IL1RAPL2: variants seen among roughly 807,000 people sequenced by gnomAD.
IL1RAPL2 encodes X-linked interleukin-1 receptor accessory protein-like 2.
IL1RAPL2 carries 3 observed loss-of-function variants against 44.1 expected under a neutral mutation model. That is an observed-to-expected ratio of 0.07 (90% CI 0.03 to 0.18). The LOEUF (loss-of-function observed/expected upper bound fraction) is 0.18, where lower values mean the gene tolerates loss of function less well. Ranked by LOEUF, IL1RAPL2 falls within the 10% of genes least tolerant of loss-of-function variation. The probability of loss-of-function intolerance (pLI) is 1.00; values close to 1 mark genes in which losing one functional copy is unlikely to be tolerated. For missense variants in IL1RAPL2, 391 were observed against 496.4 expected (o/e 0.79, Z 2.02); for synonymous variants, 181 against 178.8 (o/e 1.01, Z -0.10).
intron 2 of IL1RAPL2, among the ~76,000 whole-genome samples, chrX:104,931,996 A>T (rs5963002): frequency 0.44 from 37,320 of 84,667 alleles, 6,270 homozygotes; most frequent in South Asian, 0.67. Flanking sequence ...ATATATATAT[A>T]TTTTTTTTTT....
At chrX:105,130,281 C>T (rs975793931) in intron 2 of IL1RAPL2, among the ~76,000 whole-genome samples, 2 of 111,268 alleles carry the variant, frequency 1.8e-5, no homozygotes, top group Non-Finnish European at 3.8e-5. Context: ...TTTCAGACCT[C>T]ACTCAAGAGA....
At chrX:105,627,587 A>G (rs902607145) in intron 6 of IL1RAPL2, among the ~76,000 whole-genome samples, 2 of 111,746 alleles carry the variant, frequency 1.8e-5, no homozygotes, top group African/African-American at 3.3e-5. Context: ...TACCTCATCT[A>G]CTTCATCCTG....
At chrX:105,244,711 C>T (rs2034204625) in intron 4 of IL1RAPL2, among the ~76,000 whole-genome samples, 1 of 112,028 alleles carries the variant, frequency 8.9e-6, no homozygotes, top group Non-Finnish European at 1.9e-5. Context: ...GATCCCACTT[C>T]TGGTGCCATC....
intron 5 of IL1RAPL2, among the ~76,000 whole-genome samples, chrX:105,323,647 G>T (rs2034913023): frequency 1.8e-5 from 2 of 111,652 alleles, no homozygotes; most frequent in Admixed American, 1.9e-4. Context: ...AGGCCAAGGG[G>T]TAGATCACCT....
chrX:104,912,158 C>A (rs200121497), intron 2 of IL1RAPL2, among the ~76,000 whole-genome samples: 2 of 103,042 alleles, frequency 1.9e-5, no homozygotes, highest in Non-Finnish European at 4.0e-5. Context: ...TCTTTTTTTC[C>A]TTTGTTTTGT....
At chrX:105,191,681 A>C in intron 2 of IL1RAPL2, among the ~76,000 whole-genome samples, 1 of 112,493 alleles carries the variant, frequency 8.9e-6, no homozygotes. Flanking sequence ...GAGAAAGGAT[A>C]ATATAGGAAT....
chrX:105,519,396 T>C (rs974512203), intron 6 of IL1RAPL2, among the ~76,000 whole-genome samples: 3 of 111,239 alleles, frequency 2.7e-5, no homozygotes, highest in African/African-American at 9.8e-5. Context: ...GGGGGGATGG[T>C]AAGAATATAA....
At chrX:105,332,845 G>A (rs181397313) in intron 5 of IL1RAPL2, among the ~76,000 whole-genome samples, 17 of 111,243 alleles carry the variant, frequency 1.5e-4, no homozygotes, top group African/African-American at 5.2e-4. Context: ...ACTGCAAAAC[G>A]CTGATGAAAG....
At chrX:105,030,961 C>G in intron 2 of IL1RAPL2, among the ~76,000 whole-genome samples, 1 of 111,007 alleles carries the variant, frequency 9.0e-6, no homozygotes, top group Middle Eastern at 4.6e-3. Context: ...TCCTTCACAT[C>G]CCTTGTAAGT....
intron 6 of IL1RAPL2, among the ~76,000 whole-genome samples, chrX:105,516,483 G>A (rs770745673): frequency 7.1e-5 from 8 of 111,939 alleles, no homozygotes; most frequent in Non-Finnish European, 1.3e-4. Flanking sequence ...ACACGTGGAT[G>A]CAATGAACTA....
At chrX:105,415,105 G>A (rs1385557110) in intron 5 of IL1RAPL2, among the ~76,000 whole-genome samples, 1 of 111,569 alleles carries the variant, frequency 9.0e-6, no homozygotes, top group Non-Finnish European at 1.9e-5. Flanking sequence ...AAACATTTGG[G>A]AATAAGTAAC....
At chrX:104,614,023 G>A (rs959000866) in intron 1 of IL1RAPL2, among the ~76,000 whole-genome samples, 5 of 110,023 alleles carry the variant, frequency 4.5e-5, no homozygotes, top group Admixed American at 1.9e-4. Flanking sequence ...ATATTTTTAT[G>A]GGTTGGTTGT....
chrX:105,318,130 G>A (rs774259705), intron 5 of IL1RAPL2, among the ~76,000 whole-genome samples: 9 of 110,334 alleles, frequency 8.2e-5, no homozygotes, highest in Non-Finnish European at 1.1e-4. Flanking sequence ...CCGCCACCAC[G>A]CCTGGCTAAT....
intron 6 of IL1RAPL2, among the ~76,000 whole-genome samples, chrX:105,644,396 A>C (rs2037590899): frequency 9.0e-6 from 1 of 110,861 alleles, no homozygotes; most frequent in African/African-American, 3.3e-5. Flanking sequence ...ACCCCCATAA[A>C]ATTAAAAGTA....
At chrX:105,443,863 TGG>T (rs2035937184) in intron 5 of IL1RAPL2, among the ~76,000 whole-genome samples, 1 of 111,990 alleles carries the variant, frequency 8.9e-6, no homozygotes, top group Non-Finnish European at 1.9e-5. Context: ...TACACAGCAG[TGG>T]GATCGCTGGA....
chrX:105,198,158 TTTAGG>T (rs1304538215), intron 3 of IL1RAPL2, among the ~76,000 whole-genome samples: 3 of 111,968 alleles, frequency 2.7e-5, no homozygotes, highest in African/African-American at 9.7e-5. Flanking sequence ...TTGATGGGCA[TTTAGG>T]TTAATTCCAT....
chrX:104,614,325 T>A (rs1291161941), intron 1 of IL1RAPL2, among the ~76,000 whole-genome samples: 1 of 112,117 alleles, frequency 8.9e-6, no homozygotes, highest in African/African-American at 3.2e-5. Flanking sequence ...AGGTGTCTTC[T>A]ATGTAATTAT....
intron 2 of IL1RAPL2, among the ~76,000 whole-genome samples, chrX:104,860,044 T>G (rs1922454864): frequency 8.9e-6 from 1 of 112,244 alleles, no homozygotes; most frequent in Admixed American, 9.4e-5. Flanking sequence ...CTCTGTAACT[T>G]CAGATGATAA....
rs147958805 is a variant in IL1RAPL2 at position 104,861,654 on chromosome X, C to G, written c.82+202659C>G. 8.2e-3 allele frequency among the ~76,000 whole-genome samples: 908 copies of G among 110,399 alleles called. 13 individuals carry two copies. The highest frequency in any genetic ancestry group is 0.028 in the African/African-American group (852 of 30,410). ...GAGGGATTGATTGATTTGGTACCCTCGAGAGTACCAAAATCCACCGATGCT... is the reference window on the plus strand; with the variant it reads ...GAGGGATTGATTGATTTGGTACCCTGGAGAGTACCAAAATCCACCGATGCT... On this transcript the variant is annotated intron_variant, in intron 2 of 10. Coordinates refer to ENST00000372582, the MANE Select transcript of IL1RAPL2 (RefSeq NM_017416.2).
Sources: gnomAD v4.1 joint callset for allele counts (sites outside exome capture counted in the v4.1 genomes callset) on GRCh38, gnomAD v4.1.1 for gene constraint, MANE v1.5 for transcripts, NCBI Gene and HGNC (gene_info 2026-07-23, HGNC 2026-07-21) for gene names.